KCNG3: variants seen among roughly 807,000 people sequenced by gnomAD.
KCNG3 encodes potassium voltage-gated channel modifier subfamily G member 3, also known as voltage-gated potassium channel regulatory subunit KCNG3.
KCNG3 carries 15 observed loss-of-function variants against 29.0 expected under a neutral mutation model. The observed-to-expected ratio is 0.52, with a 90% CI of 0.35 to 0.80. KCNG3 has a LOEUF of 0.80. KCNG3 is among the 30% of genes least tolerant of loss of function. The probability of loss-of-function intolerance (pLI) is 0.01; values close to 1 mark genes in which losing one functional copy is unlikely to be tolerated. For synonymous variants in KCNG3, 322 were observed against 248.9 expected (o/e 1.29, Z -2.76); for missense variants, 512 against 605.7 (o/e 0.85, Z 1.62).
the KCNG3 span, among the ~76,000 whole-genome samples, chr2:42,408,515 T>G: frequency 6.6e-6 from 1 of 152,108 alleles, no homozygotes; most frequent in African/African-American, 2.4e-5. Flanking sequence ...GCAGAGATTT[T>G]GGGACAACCT....
chr2:42,401,899 AAAAC>A, the KCNG3 span, among the ~76,000 whole-genome samples: 34 of 152,270 alleles, frequency 2.2e-4, no homozygotes, highest in East Asian at 1.7e-3. Flanking sequence ...ACAAAAACAA[AAAAC>A]AAACAAACAA....
At chr2:42,452,025 A>G (rs1179652007) in intron 1 of KCNG3, among the ~76,000 whole-genome samples, 1 of 152,004 alleles carries the variant, frequency 6.6e-6, no homozygotes, top group Non-Finnish European at 1.5e-5. Flanking sequence ...AGGACATACA[A>G]AGAACTCCTG....
At chr2:42,392,307 C>A in the KCNG3 span, among the ~76,000 whole-genome samples, 1 of 152,110 alleles carries the variant, frequency 6.6e-6, no homozygotes, top group Non-Finnish European at 1.5e-5. Flanking sequence ...TTCCTCTAGT[C>A]TCTGCTTCTC....
At chr2:42,473,580 C>T (rs1305276331) in intron 1 of KCNG3, among the ~76,000 whole-genome samples, 2 of 151,550 alleles carry the variant, frequency 1.3e-5, no homozygotes, top group Non-Finnish European at 2.9e-5. Flanking sequence ...GAACTCCTGA[C>T]CTCAAGTGAT....
At chr2:42,403,026 G>A in the KCNG3 span, among the ~76,000 whole-genome samples, 1 of 152,176 alleles carries the variant, frequency 6.6e-6, no homozygotes, top group Non-Finnish European at 1.5e-5. Context: ...ACATGATTTG[G>A]TTCTTCTTAT....
chr2:42,411,448 A>T, the KCNG3 span, among the ~76,000 whole-genome samples: 1 of 152,004 alleles, frequency 6.6e-6, no homozygotes, highest in Non-Finnish European at 1.5e-5. Context: ...AGTGTCCCTC[A>T]GTGCTATTTT....
intron 1 of KCNG3, among the ~76,000 whole-genome samples, chr2:42,467,799 T>C (rs1434667702): frequency 6.7e-6 from 1 of 148,206 alleles, no homozygotes; most frequent in Admixed American, 6.7e-5. Context: ...GCGAAACTCT[T>C]GTCTCTACAA....
chr2:42,400,384 A>G, the KCNG3 span, among the ~76,000 whole-genome samples: 1 of 152,196 alleles, frequency 6.6e-6, no homozygotes, highest in African/African-American at 2.4e-5. Context: ...CAAGCTCAGA[A>G]TTCAAAGCCA....
At chr2:42,389,179 A>T in the KCNG3 span, among the ~76,000 whole-genome samples, 1 of 152,066 alleles carries the variant, frequency 6.6e-6, no homozygotes, top group African/African-American at 2.4e-5. Flanking sequence ...CAGCCTCCCA[A>T]AGTGCTAGGA....
chr2:42,407,818 C>T, the KCNG3 span, among the ~76,000 whole-genome samples: 4 of 152,120 alleles, frequency 2.6e-5, no homozygotes, highest in East Asian at 1.9e-4. Flanking sequence ...GCTTCAGACC[C>T]GGGCCTCCAT....
the KCNG3 span, among the ~76,000 whole-genome samples, chr2:42,408,567 C>A: frequency 6.6e-6 from 1 of 152,078 alleles, no homozygotes; most frequent in Non-Finnish European, 1.5e-5. Context: ...CTCCTCTTTG[C>A]TAGGAGCTGA....
chr2:42,405,595 CAT>C, the KCNG3 span, among the ~76,000 whole-genome samples: 3 of 151,274 alleles, frequency 2.0e-5, no homozygotes, highest in African/African-American at 7.3e-5. Context: ...TCTGCCACCA[CAT>C]GTGACTAATT....
chr2:42,401,903 C>A, the KCNG3 span, among the ~76,000 whole-genome samples: 2 of 152,018 alleles, frequency 1.3e-5, no homozygotes, highest in Non-Finnish European at 2.9e-5. Context: ...AAACAAAAAA[C>A]AAACAAACAA....
intron 1 of KCNG3, among the ~76,000 whole-genome samples, chr2:42,447,738 T>C (rs1672637976): frequency 6.6e-6 from 1 of 152,088 alleles, no homozygotes; most frequent in Non-Finnish European, 1.5e-5. Flanking sequence ...GGTCTTGCTA[T>C]GTTGCCTGGA....
chr2:42,391,296 C>T, the KCNG3 span, among the ~76,000 whole-genome samples: 1 of 152,172 alleles, frequency 6.6e-6, no homozygotes, highest in South Asian at 2.1e-4. Context: ...AGAAGACAAG[C>T]CCCTAATGGT....
At chr2:42,459,922 G>A (rs1382179934) in intron 1 of KCNG3, among the ~76,000 whole-genome samples, 1 of 151,430 alleles carries the variant, frequency 6.6e-6, no homozygotes, top group African/African-American at 2.4e-5. Context: ...CTTGCAGGGA[G>A]CCGAGATTGC....
At chr2:42,462,690 AT>A (rs1166800690) in intron 1 of KCNG3, among the ~76,000 whole-genome samples, 5 of 152,138 alleles carry the variant, frequency 3.3e-5, no homozygotes, top group Non-Finnish European at 5.9e-5. Context: ...TCAAAAATAA[AT>A]AAATAAATAA....
chr2:42,467,620 A>G (rs1405664216), intron 1 of KCNG3, among the ~76,000 whole-genome samples: 1 of 151,560 alleles, frequency 6.6e-6, no homozygotes, highest in Non-Finnish European at 1.5e-5. Flanking sequence ...GTGAACTGAG[A>G]TCATGCCACT....
intron 1 of KCNG3, among the ~76,000 whole-genome samples, chr2:42,491,352 C>T (rs1052166928): frequency 2.0e-5 from 3 of 152,262 alleles, no homozygotes; most frequent in South Asian, 2.1e-4. Flanking sequence ...TGCTCATATA[C>T]TGGTTCAGTC....
Sources: allele counts gnomAD v4.1 joint callset (sites outside exome capture counted in the v4.1 genomes callset), GRCh38; gene constraint gnomAD v4.1.1; transcripts MANE v1.5; gene names NCBI Gene and HGNC (gene_info 2026-07-23, HGNC 2026-07-21).